The following ABITRAM variants were observed in gnomAD, a reference collection of about 807,000 sequenced individuals.
ABITRAM encodes the protein protein Abitram.
ABITRAM carries 19 observed loss-of-function variants against 22.9 expected under a neutral mutation model. The ratio of observed to expected loss-of-function variants is 0.83; its 90% CI spans 0.58 to 1.22. The LOEUF is 1.22. ABITRAM is among the 50% of genes most tolerant of loss of function. The pLI, the probability that ABITRAM is intolerant of heterozygous loss-of-function variation, is 0.00. For synonymous variants in ABITRAM, 70 were observed against 73.9 expected, an observed-to-expected ratio of 0.95 and a Z score of 0.27; for missense variants, 215 against 220.2, an observed-to-expected ratio of 0.98 and a Z score of 0.15.
rs1389502814 is a variant in ABITRAM, at chr9:108,940,495, G to A, written c.*809G>A. ...CTTTTAGGTTGTAGGGAAGAGGCCG[G>A]AGTGTAGAGTATATTATATCTTCTG... On this transcript the variant is annotated 3_prime_UTR_variant, in exon 6 of 6. Coordinates refer to ENST00000322940, the MANE Select transcript of ABITRAM (RefSeq NM_017832.4). 1.3e-5 allele frequency: 2 copies of A among 152,232 alleles called. No homozygotes were observed. 9.4% of individuals were successfully genotyped at this position (152,232 alleles called of 1,614,324 possible). A position where few individuals can be genotyped will look rare whatever the true frequency, so the allele number is the denominator to read the frequency against.
chr9:108,934,563 CG>C lies in ABITRAM; in HGVS notation c.79+1del, dbSNP rs1270595415. On this transcript the variant is annotated frameshift_variant and splice_region_variant, in exon 1 of 6. Transcript: ENST00000322940. LOFTEE classifies it high-confidence loss of function. ...VDRYFTRWYKPDVKGKFCEDH... is the reference protein window; with the variant it reads ...VDRYFTRWYKXDVKGKFCEDH... ...CGATACTTCACTCGCTGGTACAAAC[CG>C]GGTAAGTGCGGAGTGATGTTGATCC... The C allele has an allele frequency of 6.2e-7, 1 of 1,602,158 alleles. No homozygotes were observed. Among genetic ancestry groups the C allele is most frequent in the African/African-American group, 1.4e-5 (1 of 73,696 alleles).
At chr9:108,949,085 T>A (rs1830484234) in intron 3 of ABITRAM, among the ~76,000 whole-genome samples, 1 of 152,214 alleles carries the variant, frequency 6.6e-6, no homozygotes, top group Non-Finnish European at 1.5e-5. Context: ...TGATTACATG[T>A]AAATCATTAA....
chr9:108,938,050 G>C (rs981933238), intron 3 of ABITRAM, among the ~76,000 whole-genome samples: 34 of 151,832 alleles, frequency 2.2e-4, no homozygotes, highest in Non-Finnish European at 4.0e-4. Flanking sequence ...GAACAGAGAG[G>C]GACCTGCATA....
In ABITRAM at chr9:108,939,214, G is replaced by C. The variant is rs763808687; in HGVS notation, c.280G>C (p.Glu94Gln). Reference sequence around the variant, plus strand: ...TACACAGGGGGCACAGTTTCTAACAGAGCTTGCACCTCTCTGTAAGATTTA... The same window carrying C: ...TACACAGGGGGCACAGTTTCTAACACAGCTTGCACCTCTCTGTAAGATTTA... The part of the protein sequence containing the change: ...KFKRGAQFLT[E>Q]LAPLCKIYCS... Residue 94 changes from glutamate (E) to glutamine (Q), a missense_variant, in exon 4 of 6, where the codon GAG becomes CAG. Physicochemically the swap from Glu to Gln is conservative, Grantham distance 29. Transcript: ENST00000322940. The C allele has an allele frequency of 3.7e-6, 6 of 1,613,800 alleles. No homozygotes were observed. In the South Asian group the frequency reaches 6.6e-5, roughly 18 times the overall value.
At chr9:108,934,591 T>C in intron 1 of ABITRAM, 26 bp downstream of exon 1, 2 of 1,585,104 alleles carry the variant, frequency 1.3e-6, no homozygotes, top group Non-Finnish European at 1.7e-6. Context: ...TGTTGATCCC[T>C]CCTTGGCCGC....
downstream of ABITRAM, chr9:108,943,859 T>G (rs370231485): frequency 2.5e-5 from 40 of 1,605,702 alleles, no homozygotes; most frequent in African/African-American, 4.2e-4. Context: ...GCAACAAAAC[T>G]CCATCTTTAA....
At chr9:108,936,767 T>G (rs1295988884) in intron 3 of ABITRAM, among the ~76,000 whole-genome samples, 1 of 152,124 alleles carries the variant, frequency 6.6e-6, no homozygotes, top group Non-Finnish European at 1.5e-5. Context: ...TAAACTAGTA[T>G]GTCGAGTTCT....
downstream of ABITRAM, among the ~76,000 whole-genome samples, chr9:108,942,136 C>T (rs1427805484): frequency 6.6e-6 from 1 of 152,230 alleles, no homozygotes; most frequent in Non-Finnish European, 1.5e-5. Flanking sequence ...AAACCCATCT[C>T]ATACTCTCCA....
intron 3 of ABITRAM, among the ~76,000 whole-genome samples, chr9:108,949,768 C>T (rs771469919): frequency 6.6e-6 from 1 of 152,088 alleles, no homozygotes; most frequent in Non-Finnish European, 1.5e-5. Context: ...CACCTGAACC[C>T]GGGAGATGGA....
At position 108,935,958 on chromosome 9, in the gene ABITRAM, G is replaced by C. The variant is rs1830179746; in HGVS notation, c.131+269G>C. 4 of 528,000 alleles carry C rather than the reference G, an allele frequency of 7.6e-6. No homozygotes were observed. In the Admixed American group the frequency reaches 1.3e-4, roughly 17 times the overall value. The allele number at this position is 528,000 out of a possible 1,614,324, so 32.7% of individuals were successfully genotyped here. A position where few individuals can be genotyped will look rare whatever the true frequency, so the allele number is the denominator to read the frequency against. On this transcript the variant is annotated intron_variant, in intron 2 of 5. Transcript: ENST00000322940. ...AGCTGCTACTTGAAGTGGCCAGTCT[G>C]TGCCCAACTACTGAACTGTTCAGAG...
chr9:108,946,224 G>A (rs974688945), intron 3 of ABITRAM, among the ~76,000 whole-genome samples: 12 of 151,894 alleles, frequency 7.9e-5, no homozygotes, highest in South Asian at 4.2e-4. Context: ...ACTTGAACCC[G>A]GGAGGCGGAG....
At chr9:108,948,964 T>A (rs1184104493) in intron 3 of ABITRAM, among the ~76,000 whole-genome samples, 1 of 151,816 alleles carries the variant, frequency 6.6e-6, no homozygotes, top group African/African-American at 2.4e-5. Flanking sequence ...TCAAATGAAA[T>A]GATGAAGCAA....
intron 3 of ABITRAM, among the ~76,000 whole-genome samples, chr9:108,947,545 A>G (rs1241402726): frequency 6.6e-6 from 1 of 152,238 alleles, no homozygotes; most frequent in Non-Finnish European, 1.5e-5. Flanking sequence ...ACAGGCTAAC[A>G]TGGGGATCAG....
rs1259869567 is a variant in ABITRAM at position 108,940,922 on chromosome 9, CTG to C, written c.*1238_*1239del. 2 of 152,136 alleles carry C rather than the reference CTG, an allele frequency of 1.3e-5. No individual in the cohort carries two copies. Among genetic ancestry groups the C allele is most frequent in the African/African-American group, 2.4e-5 (1 of 41,428 alleles). The allele number at this position is 152,136 out of a possible 1,614,324, so 9.4% of individuals were successfully genotyped here. A position where few individuals can be genotyped will look rare whatever the true frequency, so the allele number is the denominator to read the frequency against. On this transcript the variant is annotated 3_prime_UTR_variant, in exon 6 of 6. Transcript: ENST00000322940. The stretch of plus-strand genomic sequence containing the variant: ...GGCTATAACATACATGTCAATATCA[CTG>C]TTTTTAAATAAAATATACTTTTATA...
chr9:108,934,896 G>A (rs910338524), intron 1 of ABITRAM, among the ~76,000 whole-genome samples: 12 of 152,168 alleles, frequency 7.9e-5, no homozygotes, highest in African/African-American at 2.9e-4. Flanking sequence ...GGATTGAGGG[G>A]CTCACTCTCA....
chr9:108,943,880 A>T (rs1564117806), downstream of ABITRAM: 3 of 1,597,594 alleles, frequency 1.9e-6, no homozygotes, highest in Non-Finnish European at 2.6e-6. Context: ...TACCTTAAAC[A>T]CATTTATACA....
downstream of ABITRAM, among the ~76,000 whole-genome samples, chr9:108,943,413 G>A (rs560997153): frequency 1.5e-4 from 23 of 152,340 alleles, no homozygotes; most frequent in African/African-American, 4.6e-4. Flanking sequence ...AATTATGGGA[G>A]ACCAGACTCG....
chr9:108,941,378 C>T (rs867447503), downstream of ABITRAM, among the ~76,000 whole-genome samples: 6 of 152,088 alleles, frequency 3.9e-5, no homozygotes, highest in African/African-American at 9.7e-5. Flanking sequence ...TGACAGTAAA[C>T]GTAGTAAAAG....
chr9:108,948,914 G>A (rs996604767), intron 3 of ABITRAM, among the ~76,000 whole-genome samples: 5 of 151,870 alleles, frequency 3.3e-5, no homozygotes, highest in Admixed American at 6.6e-5. Flanking sequence ...TAGGAGATGT[G>A]AACATATCAT....
Sources: gnomAD v4.1 joint callset for allele counts (sites outside exome capture counted in the v4.1 genomes callset) on GRCh38, gnomAD v4.1.1 for gene constraint, MANE v1.5 for transcripts, NCBI Gene and HGNC (gene_info 2026-07-23, HGNC 2026-07-21) for gene names.